The following ANO3 variants were observed in gnomAD, a reference collection of about 807,000 sequenced individuals.
ANO3 encodes the protein anoctamin 3, also known as anoctamin-3.
ANO3 carries 99 observed loss-of-function variants against 144.8 expected under a neutral mutation model. That is an observed-to-expected ratio of 0.68 (90% CI 0.58 to 0.81). The LOEUF (loss-of-function observed/expected upper bound fraction) is 0.81, where lower values mean the gene tolerates loss of function less well. Ranked by LOEUF, ANO3 falls within the 30% of genes least tolerant of loss-of-function variation. The pLI is 0.00. For missense variants in ANO3, 905 were observed against 1,202.2 expected (o/e 0.75, Z 3.66); for synonymous variants, 414 against 392.6 (o/e 1.05, Z -0.64).
intron 1 of ANO3, among the ~76,000 whole-genome samples, chr11:26,311,129 C>A (rs1487961081): frequency 2.0e-5 from 3 of 152,204 alleles, no homozygotes; most frequent in Non-Finnish European, 4.4e-5. Flanking sequence ...AAAACAGATT[C>A]TGGGATAACA....
At chr11:26,403,387 A>T (rs868097137) in intron 1 of ANO3, among the ~76,000 whole-genome samples, 1 of 151,916 alleles carries the variant, frequency 6.6e-6, no homozygotes, top group African/African-American at 2.4e-5. Flanking sequence ...TTGAGACTCA[A>T]TTAGGTTCAA....
intron 1 of ANO3, among the ~76,000 whole-genome samples, chr11:26,357,447 T>G (rs1855810904): frequency 6.6e-6 from 1 of 152,172 alleles, no homozygotes; most frequent in Non-Finnish European, 1.5e-5. Context: ...TTTATTTGAA[T>G]TTTCCTAATG....
chr11:26,282,849 A>T lies in ANO3; in HGVS notation c.155-26796A>T, dbSNP rs1338679783. 2.6e-5 allele frequency among the ~76,000 whole-genome samples: 4 copies of T among 152,142 alleles called. No homozygotes were observed. In the South Asian group the frequency reaches 8.3e-4, roughly 31 times the overall value. On this transcript the variant is annotated intron_variant, in intron 1 of 27. Coordinates refer to the ANO3 transcript ENST00000672621. ...AGTGAATGACGAAATAAAAGAAATTATATATTTGTCAATGGCCATAAAACC... is the reference window on the plus strand; with the variant it reads ...AGTGAATGACGAAATAAAAGAAATTTTATATTTGTCAATGGCCATAAAACC...
At chr11:26,602,358 C>G (rs771880570) in intron 17 of ANO3, among the ~76,000 whole-genome samples, 1 of 152,042 alleles carries the variant, frequency 6.6e-6, no homozygotes, top group Non-Finnish European at 1.5e-5. Flanking sequence ...GGAAGCCATA[C>G]TTGATGGTAT....
chr11:26,541,568 C>T (rs1045087026), intron 10 of ANO3, among the ~76,000 whole-genome samples: 2 of 152,084 alleles, frequency 1.3e-5, no homozygotes, highest in Non-Finnish European at 2.9e-5. Flanking sequence ...AACTGCATCA[C>T]TTCTTATACA....
intron 1 of ANO3, among the ~76,000 whole-genome samples, chr11:26,238,319 C>G (rs1237259884): frequency 2.6e-5 from 4 of 152,096 alleles, no homozygotes; most frequent in Non-Finnish European, 5.9e-5. Flanking sequence ...AGAGCCAAAA[C>G]TGGACAACTA....
upstream of ANO3, among the ~76,000 whole-genome samples, chr11:26,329,980 G>C (rs780309943): frequency 7.8e-4 from 118 of 152,148 alleles, no homozygotes; most frequent in Middle Eastern, 6.8e-3. Context: ...CCGGCGAGGG[G>C]ACTTTAATTC....
intron 6 of ANO3, among the ~76,000 whole-genome samples, chr11:26,517,898 T>C (rs1278314421): frequency 1.3e-5 from 2 of 152,028 alleles, no homozygotes; most frequent in Non-Finnish European, 2.9e-5. Context: ...ACCATAGTCA[T>C]TGCCCATAAA....
intron 1 of ANO3, among the ~76,000 whole-genome samples, chr11:26,296,497 T>C (rs143687657): frequency 6.6e-6 from 1 of 152,180 alleles, no homozygotes; most frequent in Non-Finnish European, 1.5e-5. Flanking sequence ...CTGGGTAGTG[T>C]CCTACTGGTT....
intron 16 of ANO3, among the ~76,000 whole-genome samples, chr11:26,599,209 TG>T (rs1269183052): frequency 1.3e-5 from 2 of 152,176 alleles, no homozygotes; most frequent in Admixed American, 1.3e-4. Context: ...AAATACTCTT[TG>T]GGAGAAACAG....
chr11:26,630,186 T>C (rs1852730753), intron 18 of ANO3, among the ~76,000 whole-genome samples: 1 of 152,186 alleles, frequency 6.6e-6, no homozygotes, highest in Admixed American at 6.5e-5. Context: ...ATATCAAGAA[T>C]GGCCCACAAA....
chr11:26,508,107 G>T lies in ANO3; in HGVS notation c.436G>T (p.Asp146Tyr). ...SEFKTKLSKN[D>Y]MNYIASSGPL... ...ACAATCATTGCTTTATTTGCAGAAT[G>T]ACATGAATTACATAGCATCCAGTGG... Residue 146 changes from aspartate to tyrosine, a missense_variant, in exon 5 of 27, where the codon GAC becomes TAC. Around this residue, in one of 4 missense-constraint regions of ANO3, gnomAD observed 174 missense variants for 171.9 expected, o/e 1.01. Coordinates refer to ENST00000256737, the MANE Select transcript of ANO3 (RefSeq NM_031418.4). 2 of 1,572,746 alleles carry T rather than the reference G, an allele frequency of 1.3e-6. No homozygotes were observed. The highest frequency in any genetic ancestry group is 1.7e-6 in the Non-Finnish European group (2 of 1,166,588).
In ANO3 at chr11:26,598,873, C is replaced by T; in HGVS notation, c.1546C>T (p.Gln516Ter). The T allele has an allele frequency of 6.2e-7, 1 of 1,613,038 alleles. No individual in the cohort carries two copies. The highest frequency in any genetic ancestry group is 2.2e-5 in the East Asian group (1 of 44,836). Residue 516 changes from glutamine to a stop codon, truncating the protein, a stop_gained, in exon 16 of 27, where the codon CAG becomes TAG. Transcript: ENST00000256737. LOFTEE classifies it high-confidence loss of function. ...WEEEEETLRP[Q>*]FEAKYYKMEI... ...TCTCTCATAGGAAACACTTCGTCCCCAGTTTGAAGCCAAGTATTACAAGAT... is the reference window on the plus strand; with the variant it reads ...TCTCTCATAGGAAACACTTCGTCCCTAGTTTGAAGCCAAGTATTACAAGAT...
chr11:26,617,640 G>C (rs181895311), intron 17 of ANO3, among the ~76,000 whole-genome samples: 1 of 152,218 alleles, frequency 6.6e-6, no homozygotes, highest in Non-Finnish European at 1.5e-5. Flanking sequence ...AAAGATTCAG[G>C]GATTTTTGGA....
At chr11:26,559,978 T>C (rs1850222210) in intron 14 of ANO3, 199 bp downstream of exon 14, 5 of 440,690 alleles carry the variant, frequency 1.1e-5, no homozygotes, top group African/African-American at 8.0e-5. Flanking sequence ...GATCTCATCC[T>C]CTAATCTCTA....
chr11:26,353,332 CT>C (rs1288465226), intron 1 of ANO3, among the ~76,000 whole-genome samples: 1 of 152,186 alleles, frequency 6.6e-6, no homozygotes, highest in Non-Finnish European at 1.5e-5. Flanking sequence ...TCTTAGCCAG[CT>C]TAGCCCACAT....
chr11:26,209,323 C>T (rs565322293), intron 1 of ANO3, among the ~76,000 whole-genome samples: 1 of 152,186 alleles, frequency 6.6e-6, no homozygotes, highest in South Asian at 2.1e-4. Flanking sequence ...AAGACATGAA[C>T]TCATCTTTTT....
At chr11:26,372,684 TACTC>T (rs756336952) in intron 1 of ANO3, among the ~76,000 whole-genome samples, 13 of 152,194 alleles carry the variant, frequency 8.5e-5, no homozygotes, top group Non-Finnish European at 7.3e-5. Flanking sequence ...AAAATTTTGA[TACTC>T]AGGAAGTTAG....
rs189419372 is a variant in ANO3 at position 26,577,359 on chromosome 11, C to T, written c.1447+17580C>T. On this transcript the variant is annotated intron_variant, in intron 14 of 26. Coordinates refer to ENST00000256737, the MANE Select transcript of ANO3 (RefSeq NM_031418.4). ...TGGGCGGATCACCTGAGGTTAAAGA[C>T]CAGCCAGGCCAACATGGGGAAACCC... Among the ~76,000 whole-genome samples the T allele has an allele frequency of 6.4e-3, 967 of 151,698 alleles. 7 individuals are homozygous for T. Among genetic ancestry groups the T allele is most frequent in the Non-Finnish European group, 9.3e-3 (629 of 67,948 alleles).
Sources: gnomAD v4.1 joint callset for allele counts (sites outside exome capture counted in the v4.1 genomes callset) on GRCh38, gnomAD v4.1.1 for gene constraint, gnomAD v4.1.1 regional missense constraint, MANE v1.5 for transcripts, NCBI Gene and HGNC (gene_info 2026-07-23, HGNC 2026-07-21) for gene names.